Variants in CCDC171 observed in about 807,000 individuals in gnomAD.
CCDC171 encodes the protein coiled-coil domain-containing protein 171.
In CCDC171, 177 loss-of-function variants were observed where a neutral mutation model predicts 168.2. The observed-to-expected ratio is 1.05, with a 90% CI of 0.93 to 1.19. The LOEUF (loss-of-function observed/expected upper bound fraction) is 1.19, where lower values mean the gene tolerates loss of function less well. CCDC171 is among the 50% of genes most tolerant of loss of function. CCDC171 has a pLI of 0.00. For missense variants in CCDC171, 1,991 were observed against 1,539.0 expected (o/e 1.29, Z -4.91); for synonymous variants, 687 against 540.8 (o/e 1.27, Z -3.75).
rs2132284170 is a variant in CCDC171, at chr9:15,940,692, A to G, written c.3753+20270A>G. Among the ~76,000 whole-genome samples, 7 of 152,004 alleles carry G rather than the reference A, an allele frequency of 4.6e-5. No individual in the cohort carries two copies. The South Asian group carries it at 1.5e-3, about 31-fold the overall frequency. On this transcript the variant is annotated intron_variant, in intron 25 of 25. Transcript: ENST00000380701. ...CCCTTTATTTTTGAGGTACAGAGAA[A>G]TTGAAGGGATATGCTCCTAATTTTG...
intron 7 of CCDC171, among the ~76,000 whole-genome samples, chr9:15,640,405 A>G (rs927227098): frequency 6.6e-6 from 1 of 152,104 alleles, no homozygotes; most frequent in Non-Finnish European, 1.5e-5. Flanking sequence ...AAAAAACACC[A>G]CCTTCAAATT....
chr9:15,580,064 C>T (rs2040989811), intron 4 of CCDC171, among the ~76,000 whole-genome samples: 2 of 152,052 alleles, frequency 1.3e-5, no homozygotes, highest in South Asian at 4.2e-4. Flanking sequence ...GAAATAAAGA[C>T]AAATACTTAC....
chr9:15,913,336 C>G (rs769472314), intron 24 of CCDC171, among the ~76,000 whole-genome samples: 1 of 152,160 alleles, frequency 6.6e-6, no homozygotes, highest in Non-Finnish European at 1.5e-5. Flanking sequence ...ATAGTATTCT[C>G]TGATGGTAGT....
Position 15,744,298 on chromosome 9 carries a change from A to G in CCDC171, c.2075A>G (p.Asn692Ser). 1.3e-6 allele frequency: 2 copies of G among 1,585,642 alleles called. No homozygotes were observed. The highest frequency in any genetic ancestry group is 8.5e-7 in the Non-Finnish European group (1 of 1,169,888). Residue 692 changes from asparagine (N) to serine (S), a missense_variant, in exon 17 of 26, where the codon AAC (asparagine) becomes AGC (serine). Transcript: ENST00000380701. ...AAATTTCAAGAAATTGCTGAAAAAA[A>G]CATGGAAAAATTGAACCATATTGAG... is the stretch of plus-strand genomic sequence containing the variant. ...AQKFQEIAEKNMEKLNHIEKS... is the reference protein window; with the variant it reads ...AQKFQEIAEKSMEKLNHIEKS...
At chr9:16,106,843 G>C in the CCDC171 span, among the ~76,000 whole-genome samples, 1 of 152,144 alleles carries the variant, frequency 6.6e-6, no homozygotes, top group Non-Finnish European at 1.5e-5. Flanking sequence ...AGCACACTCA[G>C]GGTTTTCCTG....
At chr9:15,639,636 A>G (rs541777605) in intron 7 of CCDC171, among the ~76,000 whole-genome samples, 77 of 152,244 alleles carry the variant, frequency 5.1e-4, no homozygotes, top group African/African-American at 1.8e-3. Context: ...TATTGTCCTC[A>G]TATATCCCTT....
At chr9:15,751,708 G>A (rs1385242601) in intron 18 of CCDC171, among the ~76,000 whole-genome samples, 1 of 152,158 alleles carries the variant, frequency 6.6e-6, no homozygotes, top group African/African-American at 2.4e-5. Flanking sequence ...CTAGTCATAT[G>A]TAGAAAGCTG....
At chr9:15,601,189 A>T (rs973246883) in intron 6 of CCDC171, among the ~76,000 whole-genome samples, 2 of 152,080 alleles carry the variant, frequency 1.3e-5, no homozygotes, top group African/African-American at 2.4e-5. Context: ...CCGGTACCTG[A>T]GTTGGAAATG....
rs192024743 is a variant in CCDC171 at position 15,640,404 on chromosome 9, C to A, written c.823-16723C>A. On this transcript the variant is annotated intron_variant, in intron 7 of 25. Coordinates refer to ENST00000380701, the MANE Select transcript of CCDC171 (RefSeq NM_173550.4). ...AGGAGAGCTACTTAAAAAAAAACACCACCTTCAAATTAGAATGCCTTATTA... is the reference window on the plus strand; with the variant it reads ...AGGAGAGCTACTTAAAAAAAAACACAACCTTCAAATTAGAATGCCTTATTA... Among the ~76,000 whole-genome samples the A allele has an allele frequency of 1.6e-4, 24 of 152,030 alleles. No homozygotes were observed. In the East Asian group the frequency reaches 4.5e-3, roughly 28 times the overall value.
At chr9:15,863,450 C>T (rs1158099879) in intron 23 of CCDC171, among the ~76,000 whole-genome samples, 1 of 151,980 alleles carries the variant, frequency 6.6e-6, no homozygotes, top group Non-Finnish European at 1.5e-5. Flanking sequence ...CTATCATTCT[C>T]CTTCGTTTTT....
At chr9:15,656,601 A>G (rs1035504344) in intron 7 of CCDC171, among the ~76,000 whole-genome samples, 4 of 152,216 alleles carry the variant, frequency 2.6e-5, no homozygotes, top group African/African-American at 7.2e-5. Flanking sequence ...ATGGGTCTCA[A>G]AATAATTATG....
chr9:15,675,253 A>C (rs966946650), intron 9 of CCDC171, among the ~76,000 whole-genome samples: 6 of 98,158 alleles, frequency 6.1e-5, no homozygotes, highest in African/African-American at 2.4e-4. Context: ...CTTTATTTTG[A>C]GCCTCTGTGT....
rs375989790 is a variant in CCDC171 at position 15,819,766 on chromosome 9, T to C, written c.3268-26936T>C. 1.1e-3 allele frequency among the ~76,000 whole-genome samples: 134 copies of C among 116,596 alleles called. 40 individuals carry two copies. Among genetic ancestry groups the C allele is most frequent in the African/African-American group, 3.7e-3 (114 of 30,946 alleles). 76.5% of individuals were successfully genotyped at this position (116,596 alleles called of 152,430 possible). On this transcript the variant is annotated intron_variant, in intron 21 of 25. Coordinates refer to ENST00000380701, the MANE Select transcript of CCDC171 (RefSeq NM_173550.4). ...GGAGACTTTAAAACCCCACTGTCAA[T>C]ATTAGACAGATCAACGAGACAGAAA...
intron 25 of CCDC171, among the ~76,000 whole-genome samples, chr9:15,965,029 CT>C (rs913178791): frequency 6.6e-6 from 1 of 152,176 alleles, no homozygotes; most frequent in African/African-American, 2.4e-5. Context: ...TCCCAAAGTG[CT>C]GGGATTACAG....
At chr9:15,804,624 G>A (rs1422947781) in intron 21 of CCDC171, among the ~76,000 whole-genome samples, 1 of 152,074 alleles carries the variant, frequency 6.6e-6, no homozygotes, top group African/African-American at 2.4e-5. Flanking sequence ...TGTGCTGCTG[G>A]ATTCAGTTTG....
intron 4 of CCDC171, among the ~76,000 whole-genome samples, chr9:15,589,013 T>G (rs1402871834): frequency 1.3e-5 from 2 of 148,590 alleles, no homozygotes; most frequent in South Asian, 2.1e-4. Context: ...CCCAGCCGTG[T>G]TTTTTTTTTA....
intron 7 of CCDC171, among the ~76,000 whole-genome samples, chr9:15,627,045 G>T (rs1226506242): frequency 6.6e-6 from 1 of 152,212 alleles, no homozygotes; most frequent in Non-Finnish European, 1.5e-5. Context: ...TTAGTCTTGG[G>T]AGGGTGTATG....
intron 8 of CCDC171, among the ~76,000 whole-genome samples, chr9:15,665,740 T>C (rs1444132510): frequency 2.0e-5 from 3 of 152,222 alleles, no homozygotes; most frequent in Non-Finnish European, 4.4e-5. Context: ...ATGATCACAC[T>C]ACTGCACTTC....
chr9:15,559,998 T>A (rs2039144979), intron 1 of CCDC171, among the ~76,000 whole-genome samples: 1 of 152,166 alleles, frequency 6.6e-6, no homozygotes, highest in South Asian at 2.1e-4. Context: ...TGAAGCTTAG[T>A]TTGGCTGGAT....
Sources: gnomAD v4.1 joint callset for allele counts (sites outside exome capture counted in the v4.1 genomes callset) on GRCh38, gnomAD v4.1.1 for gene constraint, MANE v1.5 for transcripts, NCBI Gene and HGNC (gene_info 2026-07-23, HGNC 2026-07-21) for gene names.